Variants in GGACT observed in about 807,000 individuals in gnomAD.
GGACT encodes the protein gamma-glutamylaminecyclotransferase.
For missense variants in GGACT, 241 were observed against 233.2 expected (o/e 1.03, Z -0.22); for synonymous variants, 118 against 115.3 (o/e 1.02, Z -0.15).
At chr13:100,536,389 G>A (rs1361059629) in intron 2 of GGACT, 2 of 151,636 alleles carry the variant, frequency 1.3e-5, no homozygotes, top group African/African-American at 4.8e-5. Context: ...AGCCTCCAAT[G>A]TTTTTATATT....
chr13:100,531,522 TG>T lies in GGACT; in HGVS notation c.*607del, dbSNP rs1362211081. The T allele has an allele frequency of 6.6e-6, 1 of 152,116 alleles. No homozygotes were observed. The highest frequency in any genetic ancestry group is 1.5e-5 in the Non-Finnish European group (1 of 68,008). 9.4% of individuals were successfully genotyped at this position (152,116 alleles called of 1,614,324 possible). A position where few individuals can be genotyped will look rare whatever the true frequency, so the allele number is the denominator to read the frequency against. ...TACCAAATAAGTATACCAAAAAACG[TG>T]GGGGTCAAACACAGTACCAACACTT... is the stretch of plus-strand genomic sequence containing the variant. On this transcript the variant is annotated 3_prime_UTR_variant, in exon 3 of 3. Coordinates refer to ENST00000683975, the MANE Select transcript of GGACT (RefSeq NM_001195087.2).
intron 2 of GGACT, among the ~76,000 whole-genome samples, chr13:100,576,583 A>G (rs1875251726): frequency 1.3e-5 from 2 of 152,280 alleles, no homozygotes; most frequent in Non-Finnish European, 2.9e-5. Flanking sequence ...AATGCAGTAC[A>G]TCCAGACGAT....
chr13:100,581,861 C>T (rs1167361528), intron 2 of GGACT, among the ~76,000 whole-genome samples: 1 of 152,218 alleles, frequency 6.6e-6, no homozygotes, highest in African/African-American at 2.4e-5. Context: ...TCCTCCCAAT[C>T]CCCACACCCC....
intron 2 of GGACT, among the ~76,000 whole-genome samples, chr13:100,550,049 G>A (rs1052030559): frequency 6.6e-6 from 1 of 152,094 alleles, no homozygotes; most frequent in Admixed American, 6.6e-5. Context: ...CAACTACAAG[G>A]AAGAAGGGAG....
intron 2 of GGACT, among the ~76,000 whole-genome samples, chr13:100,569,705 C>T (rs1232037062): frequency 6.6e-6 from 1 of 152,222 alleles, no homozygotes; most frequent in South Asian, 2.1e-4. Context: ...AATTTCTCCC[C>T]AGAAAATAAG....
chr13:100,539,744 G>GT lies in GGACT; in HGVS notation c.-10-7144dup, dbSNP rs2153012787. The GT allele has an allele frequency of 1.5e-5, 9 of 620,524 alleles. No individual in the cohort carries two copies. The South Asian group carries it at 1.6e-4, about 11-fold the overall frequency. The allele number at this position is 620,524 out of a possible 1,614,324, so 38.4% of individuals were successfully genotyped here. ...TCCTTCTTCTTCATTCTTTAGAAGA[G>GT]TTTCAGGAGGACTGGTGTGAATTCT... On this transcript the variant is annotated intron_variant, in intron 2 of 2. Coordinates refer to ENST00000683975, the MANE Select transcript of GGACT (RefSeq NM_001195087.2).
intron 2 of GGACT, chr13:100,535,760 TTA>T (rs1225170280): frequency 1.3e-5 from 2 of 152,174 alleles, no homozygotes; most frequent in Non-Finnish European, 2.9e-5. Context: ...TTGGACAACT[TTA>T]TGTTTTCCTT....
At chr13:100,579,699 T>C (rs1445488482) in intron 2 of GGACT, among the ~76,000 whole-genome samples, 1 of 152,196 alleles carries the variant, frequency 6.6e-6, no homozygotes, top group Non-Finnish European at 1.5e-5. Flanking sequence ...ACACCCTTTT[T>C]TCCAAATGAA....
rs1875491648 is a variant in GGACT at position 100,583,974 on chromosome 13, G to A, written c.-160C>T. 1 of 152,104 alleles carries A rather than the reference G, an allele frequency of 6.6e-6. No homozygotes were observed. The highest frequency in any genetic ancestry group is 1.5e-5 in the Non-Finnish European group (1 of 68,034). 9.4% of individuals were successfully genotyped at this position (152,104 alleles called of 1,614,324 possible). A position where few individuals can be genotyped will look rare whatever the true frequency, so the allele number is the denominator to read the frequency against. On this transcript the variant is annotated 5_prime_UTR_variant, in exon 2 of 3. Coordinates refer to ENST00000683975, the MANE Select transcript of GGACT (RefSeq NM_001195087.2). ...CACAGGGTGACCAGAAAGTCCATGG[G>A]GACCAAATATCCAGTTTTCAGTCCT...
Position 100,540,203 on chromosome 13 carries a change from C to A in GGACT, c.-10-7602G>T, listed in dbSNP as rs534277208. Reference sequence around the variant, plus strand: ...GTGCAGCGAATAGGCTGCACGTGGCCGCGGCCCTTTTTGGCACGACCATTG... The same window carrying A: ...GTGCAGCGAATAGGCTGCACGTGGCAGCGGCCCTTTTTGGCACGACCATTG... On this transcript the variant is annotated intron_variant, in intron 2 of 2. Transcript: ENST00000683975. 5.2e-4 allele frequency: 771 copies of A among 1,489,204 alleles called. 5 individuals are homozygous for A. In the African/African-American group the frequency reaches 9.4e-3, roughly 18 times the overall value. The allele number at this position is 1,489,204 out of a possible 1,614,324, so 92.2% of individuals were successfully genotyped here. A position where few individuals can be genotyped will look rare whatever the true frequency, so the allele number is the denominator to read the frequency against.
intron 2 of GGACT, among the ~76,000 whole-genome samples, chr13:100,573,898 A>G (rs917177863): frequency 6.6e-6 from 1 of 151,944 alleles, no homozygotes; most frequent in African/African-American, 2.4e-5. Context: ...AAAAAAAAAA[A>G]AACATGCTGG....
At chr13:100,543,248 C>A (rs537786855) in intron 2 of GGACT, among the ~76,000 whole-genome samples, 1 of 116,848 alleles carries the variant, frequency 8.6e-6, no homozygotes, top group African/African-American at 3.4e-5. Flanking sequence ...CGCTCTGTCA[C>A]CCAGGCTGGA....
chr13:100,548,432 T>C (rs1234734658), intron 2 of GGACT, among the ~76,000 whole-genome samples: 2 of 152,248 alleles, frequency 1.3e-5, no homozygotes, highest in Non-Finnish European at 2.9e-5. Flanking sequence ...ATCACAGTCA[T>C]TCTCTTCTCT....
intron 1 of GGACT, among the ~76,000 whole-genome samples, chr13:100,588,312 A>C (rs1388936167): frequency 6.6e-6 from 1 of 152,232 alleles, no homozygotes; most frequent in African/African-American, 2.4e-5. Flanking sequence ...TGCAGCTTCT[A>C]GTCTCCTTAC....
At chr13:100,546,765 G>A (rs1468986837) in intron 2 of GGACT, among the ~76,000 whole-genome samples, 1 of 152,206 alleles carries the variant, frequency 6.6e-6, no homozygotes, top group Non-Finnish European at 1.5e-5. Flanking sequence ...GCTGAGCTGC[G>A]AGTCAGCAGA....
At chr13:100,569,360 G>A (rs986084509) in intron 2 of GGACT, among the ~76,000 whole-genome samples, 2 of 152,210 alleles carry the variant, frequency 1.3e-5, no homozygotes, top group Admixed American at 6.5e-5. Context: ...ATTCTTGACC[G>A]CTATGTACCC....
chr13:100,573,917 T>C (rs1594197483), intron 2 of GGACT, among the ~76,000 whole-genome samples: 2 of 148,956 alleles, frequency 1.3e-5, no homozygotes, highest in Admixed American at 6.7e-5. Context: ...GGCGAGGCTG[T>C]GGAGAAAAGG....
rs1265759542 is a variant in GGACT at position 100,545,948 on chromosome 13, G to T, written c.-10-13347C>A. ...ACAGAAAGCCAGGGCAACCTGCTGGGCCACCCAGAGTGCCTTTCCCCCTCT... is the reference window on the plus strand; with the variant it reads ...ACAGAAAGCCAGGGCAACCTGCTGGTCCACCCAGAGTGCCTTTCCCCCTCT... On this transcript the variant is annotated intron_variant, in intron 2 of 2. Coordinates refer to ENST00000683975, the MANE Select transcript of GGACT (RefSeq NM_001195087.2). The surrounding 1 kb of genome is among the most constrained non-coding windows in gnomAD (Gnocchi z 4.4). Among the ~76,000 whole-genome samples, 3 of 152,210 alleles carry T rather than the reference G, an allele frequency of 2.0e-5. No homozygotes were observed. The highest frequency in any genetic ancestry group is 4.4e-5 in the Non-Finnish European group (3 of 68,044).
chr13:100,549,480 A>G (rs959320815), intron 2 of GGACT, among the ~76,000 whole-genome samples: 32 of 152,252 alleles, frequency 2.1e-4, no homozygotes, highest in African/African-American at 7.7e-4. Context: ...GCCCAGAAAC[A>G]TGAAATCAGG....
Sources: allele counts gnomAD v4.1 joint callset (sites outside exome capture counted in the v4.1 genomes callset), GRCh38; gene constraint gnomAD v4.1.1; non-coding constraint Gnocchi (gnomAD v3.1); transcripts MANE v1.5; gene names NCBI Gene and HGNC (gene_info 2026-07-23, HGNC 2026-07-21).